Variants in OGDHL observed in about 807,000 individuals in gnomAD.
OGDHL encodes 2-oxoglutarate dehydrogenase-like, mitochondrial.
Under a neutral mutation model 109.6 loss-of-function variants are expected in OGDHL, and 79 were observed. That is an observed-to-expected ratio of 0.72 (90% CI 0.60 to 0.87). The LOEUF (loss-of-function observed/expected upper bound fraction) is 0.87. OGDHL is among the 40% of genes least tolerant of loss of function. The pLI is 0.00. For missense variants in OGDHL, 1,275 were observed against 1,362.2 expected, an observed-to-expected ratio of 0.94 and a Z score of 1.01; for synonymous variants, 528 against 537.2, an observed-to-expected ratio of 0.98 and a Z score of 0.24.
At chr10:49,750,642 C>T (rs1232044686) in intron 7 of OGDHL, among the ~76,000 whole-genome samples, 197 bp downstream of exon 7, 2 of 152,194 alleles carry the variant, frequency 1.3e-5, no homozygotes, top group African/African-American at 4.8e-5. Context: ...TAGCACCCGG[C>T]CCCAGGTGAC....
chr10:49,747,267 C>A (rs1394339367), intron 8 of OGDHL, 59 bp from the exon 9 acceptor site: 3 of 1,559,834 alleles, frequency 1.9e-6, no homozygotes, highest in Non-Finnish European at 2.6e-6. Context: ...CAGGCAGATA[C>A]ACAGGCAGGC....
intron 1 of OGDHL, among the ~76,000 whole-genome samples, chr10:49,760,195 G>T (rs1380243040): frequency 6.6e-6 from 1 of 152,250 alleles, no homozygotes; most frequent in Non-Finnish European, 1.5e-5. Context: ...TCCACTGCAG[G>T]GAGGAGGGAG....
Position 49,745,371 on chromosome 10 carries a change from C to A in OGDHL, c.1602G>T (p.Glu534Asp), listed in dbSNP as rs751287061. The stretch of plus-strand genomic sequence containing the variant: ...CAAACTCCTGCAGGGTGACTGTGCC[C>A]TCGGCAATCAGCTTGTCTGCGTACT... ...LKKYADKLIA[E>D]GTVTLQEFEE... Residue 534 changes from glutamate to aspartate, a missense_variant, in exon 12 of 23, where the codon GAG (glutamate) becomes GAT (aspartate). Physicochemically the swap from Glu to Asp is conservative, Grantham distance 45. Transcript: ENST00000374103. 2 of 1,614,032 alleles carry A rather than the reference C, an allele frequency of 1.2e-6. No homozygotes were observed. The highest frequency in any genetic ancestry group is 1.7e-6 in the Non-Finnish European group (2 of 1,180,040).
In OGDHL at chr10:49,752,195, T is replaced by C. The variant is rs1487470472; in HGVS notation, c.532A>G (p.Thr178Ala). The C allele has an allele frequency of 1.9e-6, 3 of 1,614,112 alleles. No individual in the cohort carries two copies. Among genetic ancestry groups the C allele is most frequent in the East Asian group, 2.2e-5 (1 of 44,870 alleles). ...TTTTCAGAGCCCCCAATGAAGGTGG[T>C]TGTCGGCAGCTGGAACTCCTTATCA... ...DLDKEFQLPTTTFIGGSENTL... is the reference protein window; with the variant it reads ...DLDKEFQLPTATFIGGSENTL... The change falls in exon 5 of 23, where the codon ACC (threonine) becomes GCC (alanine). Residue 178 changes from threonine (T) to alanine (A), a missense_variant. Coordinates refer to ENST00000374103, the MANE Select transcript of OGDHL (RefSeq NM_018245.3).
intron 13 of OGDHL, 59 bp from the exon 14 acceptor site, chr10:49,744,181 C>T: frequency 6.3e-7 from 1 of 1,588,978 alleles, no homozygotes; most frequent in Non-Finnish European, 8.6e-7. Context: ...ATCCCCCTGG[C>T]CAGCCTGCCT....
intron 15 of OGDHL, among the ~76,000 whole-genome samples, chr10:49,741,983 A>AC (rs1841716638): frequency 1.6e-5 from 1 of 64,198 alleles, no homozygotes; most frequent in East Asian, 2.0e-3. Flanking sequence ...ACACACACAC[A>AC]ACCACACACA....
At chr10:49,736,599 A>G in intron 20 of OGDHL, 79 bp from the exon 21 acceptor site, 1 of 1,485,654 alleles carries the variant, frequency 6.7e-7, no homozygotes, top group Non-Finnish European at 9.1e-7. Flanking sequence ...CTGCATCCCC[A>G]GGCTCTCCTT....
intron 8 of OGDHL, among the ~76,000 whole-genome samples, chr10:49,748,742 CCACACACACA>C (rs3223401): frequency 1.7e-3 from 231 of 133,950 alleles, no homozygotes; most frequent in African/African-American, 5.4e-3. Context: ...AGGTATGGGT[CCACACACACA>C]CACACACACA....
chr10:49,744,067 G>T lies in OGDHL; in HGVS notation c.1788C>A (p.Ile596=). ...PKSMTCPATG[I]PEDMLTHIGS... ...CGATGTGGGTGAGCATGTCCTCAGG[G>T]ATCCCCGTGGCTGGGCATGTCATGC... The change falls in exon 14 of 23, where the codon ATC becomes ATA. Residue 596 remains isoleucine (I), a synonymous_variant. Transcript: ENST00000374103. The T allele has an allele frequency of 6.2e-7, 1 of 1,614,124 alleles. No individual in the cohort carries two copies. Among genetic ancestry groups the T allele is most frequent in the Non-Finnish European group, 8.5e-7 (1 of 1,179,994 alleles).
At chr10:49,741,635 T>TAC (rs893883631) in intron 15 of OGDHL, among the ~76,000 whole-genome samples, 2 of 150,458 alleles carry the variant, frequency 1.3e-5, no homozygotes, top group Non-Finnish European at 3.0e-5. Context: ...TTAACAGCAG[T>TAC]ACACACACAC....
chr10:49,742,167 T>C (rs1483430372), intron 15 of OGDHL, among the ~76,000 whole-genome samples: 4 of 107,914 alleles, frequency 3.7e-5, no homozygotes, highest in African/African-American at 1.5e-4. Context: ...ACACACACCA[T>C]ACACGCCCCA....
At chr10:49,741,916 CCA>C (rs772222221) in intron 15 of OGDHL, among the ~76,000 whole-genome samples, 2 of 145,980 alleles carry the variant, frequency 1.4e-5, no homozygotes, top group South Asian at 2.2e-4. Flanking sequence ...AACACACACA[CCA>C]CACAGACTAC....
chr10:49,737,902 G>A (rs1171148242), intron 19 of OGDHL, 44 bp from the exon 20 acceptor site: 1 of 1,614,166 alleles, frequency 6.2e-7, no homozygotes, highest in East Asian at 2.2e-5. Flanking sequence ...GCCCTGCCTG[G>A]CCAGGCCCCC....
At chr10:49,757,072 G>A in intron 2 of OGDHL, 126 bp from the exon 3 acceptor site, 3 of 906,182 alleles carry the variant, frequency 3.3e-6, no homozygotes, top group Non-Finnish European at 4.8e-6. Flanking sequence ...GCCTTCCCAG[G>A]GTGCCTAGAT....
intron 1 of OGDHL, among the ~76,000 whole-genome samples, chr10:49,760,877 C>T (rs901024036): frequency 2.0e-5 from 3 of 152,246 alleles, no homozygotes; most frequent in East Asian, 1.9e-4. Context: ...CCTCTGCCAG[C>T]GCCACTCCCA....
intron 11 of OGDHL, 58 bp downstream of exon 11, chr10:49,745,740 C>T: frequency 6.4e-7 from 1 of 1,571,028 alleles, no homozygotes; most frequent in Non-Finnish European, 8.7e-7. Context: ...ACATGGCTGG[C>T]TCAGCACAGC....
In OGDHL at chr10:49,746,711, C is replaced by G. The variant is rs550677601; in HGVS notation, c.1296+39G>C. 386 of 1,606,476 alleles carry G rather than the reference C, an allele frequency of 2.4e-4. 5 individuals carry two copies. In the South Asian group the frequency reaches 3.7e-3, roughly 16 times the overall value. On this transcript the variant is annotated intron_variant, in intron 10 of 22. Coordinates refer to ENST00000374103, the MANE Select transcript of OGDHL (RefSeq NM_018245.3). ...GCTACTGCCTGGATTTCCAGGGATG[C>G]TGACGCTGTGAGGCCCAGCGTGGAG...
rs17856755 is a variant in OGDHL, at chr10:49,745,441, G to A, written c.1532C>T (p.Pro511Leu). 5.6e-6 allele frequency: 9 copies of A among 1,614,140 alleles called. No individual in the cohort carries two copies. Among genetic ancestry groups the A allele is most frequent in the Non-Finnish European group, 6.8e-6 (8 of 1,180,046 alleles). The change falls in exon 12 of 23, where the codon CCG (proline) becomes CTG (leucine). Residue 511 changes from proline to leucine, a missense_variant. Coordinates refer to ENST00000374103, the MANE Select transcript of OGDHL (RefSeq NM_018245.3). ...TCTGTGGATCTGCTTGTACATGAGC[G>A]GCTGGGTGAACATGGGCTCGTCCAT... ...NEMDEPMFTQ[P>L]LMYKQIHRQV...
At chr10:49,745,256 C>T in intron 12 of OGDHL, 88 bp downstream of exon 12, 1 of 1,512,842 alleles carries the variant, frequency 6.6e-7, no homozygotes, top group Non-Finnish European at 9.0e-7. Context: ...TCCTTAGTGC[C>T]CAGCACTGGG....
Sources: gnomAD v4.1 joint callset for allele counts (sites outside exome capture counted in the v4.1 genomes callset) on GRCh38, gnomAD v4.1.1 for gene constraint, MANE v1.5 for transcripts, NCBI Gene and HGNC (gene_info 2026-07-23, HGNC 2026-07-21) for gene names.